Variants in IGFBP2 observed in about 807,000 individuals in gnomAD.
IGFBP2 encodes the protein insulin-like growth factor-binding protein 2.
In IGFBP2, 12 loss-of-function variants were observed where a neutral mutation model predicts 26.2. That is an observed-to-expected ratio of 0.46 (90% CI 0.29 to 0.74). IGFBP2 has a LOEUF of 0.74. Ranked by LOEUF, IGFBP2 falls within the 30% of genes least tolerant of loss-of-function variation. IGFBP2 has a pLI of 0.09. For synonymous variants in IGFBP2, 189 were observed against 200.6 expected, an observed-to-expected ratio of 0.94 and a Z score of 0.49; for missense variants, 328 against 441.2, an observed-to-expected ratio of 0.74 and a Z score of 2.30.
intron 1 of IGFBP2, among the ~76,000 whole-genome samples, chr2:216,649,372 G>A (rs956204598): frequency 1.3e-5 from 2 of 152,196 alleles, no homozygotes; most frequent in African/African-American, 4.8e-5. Flanking sequence ...ACAACTACAA[G>A]TAATGCTGTA....
intron 1 of IGFBP2, among the ~76,000 whole-genome samples, chr2:216,652,170 ATTTT>A (rs1165765392): frequency 1.5e-5 from 2 of 130,950 alleles, no homozygotes; most frequent in African/African-American, 2.8e-5. Context: ...TTTTAGCAGA[ATTTT>A]TTTTTTTTTT....
chr2:216,661,723 G>A (rs983951595), intron 2 of IGFBP2, 135 bp from the exon 3 acceptor site: 2 of 1,016,688 alleles, frequency 2.0e-6, no homozygotes, highest in Middle Eastern at 2.9e-4. Context: ...AGAAGTCCCT[G>A]TGCCCCCTGC....
At chr2:216,650,348 C>T (rs559182145) in intron 1 of IGFBP2, among the ~76,000 whole-genome samples, 1 of 152,324 alleles carries the variant, frequency 6.6e-6, no homozygotes, top group East Asian at 1.9e-4. Context: ...CTCAGAATCC[C>T]AGGGGTGGTG....
chr2:216,654,577 T>G (rs192398337), intron 1 of IGFBP2, among the ~76,000 whole-genome samples: 57 of 152,360 alleles, frequency 3.7e-4, no homozygotes, highest in African/African-American at 1.3e-3. Context: ...CTTTCTGATC[T>G]CTGCCTGGTC....
intron 1 of IGFBP2, among the ~76,000 whole-genome samples, chr2:216,644,382 T>A (rs955469514): frequency 6.6e-6 from 1 of 152,094 alleles, no homozygotes; most frequent in Non-Finnish European, 1.5e-5. Context: ...CTGGGGAGGT[T>A]TCTAATTAGT....
intron 1 of IGFBP2, among the ~76,000 whole-genome samples, chr2:216,640,153 G>A (rs1244177851): frequency 1.3e-5 from 2 of 152,130 alleles, no homozygotes; most frequent in East Asian, 3.9e-4. Flanking sequence ...TAGGTGGGTG[G>A]GGCTCAAAAA....
At chr2:216,649,080 T>A (rs752560014) in intron 1 of IGFBP2, among the ~76,000 whole-genome samples, 9 of 152,242 alleles carry the variant, frequency 5.9e-5, no homozygotes, top group African/African-American at 9.6e-5. Flanking sequence ...ATATATGTGA[T>A]AGATGACTAA....
chr2:216,633,567 C>CCGCTGCCGCCGCCGCCGCTGCT lies in IGFBP2; in HGVS notation c.44_45insCGCTGCCGCCGCCGCCGCTGCT (p.Pro16AlafsTer124), dbSNP rs1559172800. The CCGCTGCCGCCGCCGCCGCTGCT allele has an allele frequency of 2.1e-6, 2 of 967,720 alleles. No individual in the cohort carries two copies. Among genetic ancestry groups the CCGCTGCCGCCGCCGCCGCTGCT allele is most frequent in the African/African-American group, 3.6e-5 (2 of 56,076 alleles). The allele number at this position is 967,720 out of a possible 1,614,324, so 59.9% of individuals were successfully genotyped here. ...TGCCCCGCGCTGCCGCTGCCGCCGC[C>CCGCTGCCGCCGCCGCCGCTGCT]GCCGCTGCTGCCGCTGCTGCTGCTG... On this transcript the variant is annotated frameshift_variant, in exon 1 of 4. Coordinates refer to ENST00000233809, the MANE Select transcript of IGFBP2 (RefSeq NM_000597.3). LOFTEE classifies it high-confidence loss of function.
chr2:216,662,209 C>T, intron 3 of IGFBP2: 1 of 592,650 alleles, frequency 1.7e-6, no homozygotes, highest in Non-Finnish European at 3.0e-6. Context: ...GTTGCTGGCT[C>T]CACTTGCCCA....
chr2:216,659,313 T>C (rs1168707479), intron 1 of IGFBP2, among the ~76,000 whole-genome samples: 1 of 152,238 alleles, frequency 6.6e-6, no homozygotes, highest in Admixed American at 6.5e-5. Context: ...CTAAGAATTA[T>C]TCATTTGTGT....
intron 1 of IGFBP2, among the ~76,000 whole-genome samples, chr2:216,643,091 C>T (rs762816827): frequency 2.0e-5 from 3 of 152,216 alleles, no homozygotes; most frequent in African/African-American, 7.2e-5. Flanking sequence ...CACCCGATGC[C>T]ACCCATTTCC....
At chr2:216,643,741 G>A (rs1314902038) in intron 1 of IGFBP2, among the ~76,000 whole-genome samples, 7 of 152,152 alleles carry the variant, frequency 4.6e-5, no homozygotes, top group African/African-American at 1.7e-4. Flanking sequence ...CACATTCAAA[G>A]CTCTCCTGGG....
At chr2:216,658,708 C>T (rs922293230) in intron 1 of IGFBP2, among the ~76,000 whole-genome samples, 3 of 152,040 alleles carry the variant, frequency 2.0e-5, no homozygotes, top group Admixed American at 1.3e-4. Context: ...TGCCACCACA[C>T]CCGGCTAATT....
At chr2:216,645,711 T>C (rs1190735463) in intron 1 of IGFBP2, among the ~76,000 whole-genome samples, 1 of 152,232 alleles carries the variant, frequency 6.6e-6, no homozygotes, top group African/African-American at 2.4e-5. Flanking sequence ...AGAATCCTGT[T>C]AGCAGGTGTG....
intron 1 of IGFBP2, among the ~76,000 whole-genome samples, chr2:216,644,015 C>T (rs771037775): frequency 6.6e-6 from 1 of 152,120 alleles, no homozygotes; most frequent in Non-Finnish European, 1.5e-5. Context: ...TTTCCCTCCC[C>T]CTTCTCTGGC....
intron 1 of IGFBP2, among the ~76,000 whole-genome samples, chr2:216,636,478 G>C (rs922815017): frequency 6.6e-6 from 1 of 152,074 alleles, no homozygotes; most frequent in Non-Finnish European, 1.5e-5. Flanking sequence ...CACATCAGTG[G>C]GTGGAAGGAG....
intron 1 of IGFBP2, among the ~76,000 whole-genome samples, chr2:216,640,726 G>C (rs562654414): frequency 6.6e-6 from 1 of 152,324 alleles, no homozygotes; most frequent in East Asian, 1.9e-4. Context: ...TTGGGCTGTT[G>C]GTAGAGAAAA....
In IGFBP2 at chr2:216,663,946, A is replaced by G; in HGVS notation, c.820A>G (p.Met274Val). ...TCTTCTCCTCTCTCCCCAGTGCAAGATGTCTCTGAACGGGCAGCGTGGGGA... is the reference window on the plus strand; with the variant it reads ...TCTTCTCCTCTCTCCCCAGTGCAAGGTGTCTCTGAACGGGCAGCGTGGGGA... ...HGLYNLKQCK[M>V]SLNGQRGECW... Residue 274 changes from methionine to valine, a missense_variant, in exon 4 of 4, where the codon ATG becomes GTG. Transcript: ENST00000233809. 1 of 1,613,894 alleles carries G rather than the reference A, an allele frequency of 6.2e-7. No individual in the cohort carries two copies. Among genetic ancestry groups the G allele is most frequent in the South Asian group, 1.1e-5 (1 of 91,014 alleles).
intron 1 of IGFBP2, among the ~76,000 whole-genome samples, chr2:216,657,836 G>C (rs975196465): frequency 4.6e-5 from 7 of 152,222 alleles, no homozygotes; most frequent in African/African-American, 1.7e-4. Flanking sequence ...GCTCCCCAGA[G>C]CCCCTGTGGG....
Sources: gnomAD v4.1 joint callset for allele counts (sites outside exome capture counted in the v4.1 genomes callset) on GRCh38, gnomAD v4.1.1 for gene constraint, MANE v1.5 for transcripts, NCBI Gene and HGNC (gene_info 2026-07-23, HGNC 2026-07-21) for gene names.